The following LRIF1 variants were observed in gnomAD, a reference collection of about 807,000 sequenced individuals.
LRIF1 encodes ligand-dependent nuclear receptor-interacting factor 1.
Under a neutral mutation model 52.7 loss-of-function variants are expected in LRIF1, and 32 were observed. That is an observed-to-expected ratio of 0.61 (90% CI 0.46 to 0.82). The LOEUF is 0.82. Among genes scored for constraint, LRIF1 ranks in the 40% least tolerant of loss-of-function variants. LRIF1 has a pLI of 0.00. For synonymous variants in LRIF1, 323 were observed against 317.4 expected (o/e 1.02, Z -0.19); for missense variants, 887 against 892.0 (o/e 0.99, Z 0.07).
chr1:110,923,307 A>G, the LRIF1 span, among the ~76,000 whole-genome samples: 1 of 152,100 alleles, frequency 6.6e-6, no homozygotes, highest in Non-Finnish European at 1.5e-5. Context: ...CTCAAAAACA[A>G]CAACAACAAA....
the LRIF1 span, among the ~76,000 whole-genome samples, chr1:110,930,594 A>C: frequency 1.3e-5 from 2 of 152,174 alleles, no homozygotes; most frequent in Admixed American, 1.3e-4. Flanking sequence ...TCCCACCTTT[A>C]TGATCTCAAG....
rs770938313 is a variant in LRIF1, at chr1:110,951,878, G to T, written c.1006C>A (p.Pro336Thr). 1 of 1,613,774 alleles carries T rather than the reference G, an allele frequency of 6.2e-7. No individual in the cohort carries two copies. Among genetic ancestry groups the T allele is most frequent in the Non-Finnish European group, 8.5e-7 (1 of 1,179,932 alleles). The change falls in exon 2 of 4, where the codon CCA becomes ACA. Residue 336 changes from proline (P) to threonine (T), a missense_variant. Pro to Thr is a conservative substitution (Grantham distance 38, BLOSUM62 -1). Coordinates refer to ENST00000369763, the MANE Select transcript of LRIF1 (RefSeq NM_018372.4). ...NLGDNTINMP[P>T]LSTIDPSGTR... ...CCACTAGGATCGATGGTACTCAATGGTGGCATATTTATAGTATTATCTCCC... is the reference window on the plus strand; with the variant it reads ...CCACTAGGATCGATGGTACTCAATGTTGGCATATTTATAGTATTATCTCCC...
the LRIF1 span, among the ~76,000 whole-genome samples, chr1:110,882,975 T>C: frequency 6.6e-6 from 1 of 152,060 alleles, no homozygotes; most frequent in East Asian, 1.9e-4. Context: ...ATTTAGATTT[T>C]CTACAAAGAC....
At chr1:110,915,465 G>A in the LRIF1 span, among the ~76,000 whole-genome samples, 3 of 151,646 alleles carry the variant, frequency 2.0e-5, no homozygotes, top group Non-Finnish European at 4.4e-5. Context: ...TCCAGCCTGG[G>A]CGACAGAGCG....
chr1:110,935,495 T>G, the LRIF1 span, among the ~76,000 whole-genome samples: 1 of 152,182 alleles, frequency 6.6e-6, no homozygotes, highest in Non-Finnish European at 1.5e-5. Flanking sequence ...GAGATTGAAA[T>G]AATTTAAAAG....
chr1:110,913,863 T>A, the LRIF1 span, among the ~76,000 whole-genome samples: 1 of 152,088 alleles, frequency 6.6e-6, no homozygotes, highest in Admixed American at 6.5e-5. Flanking sequence ...GCAGCACTAT[T>A]CACAATAGCA....
At chr1:110,915,185 G>C in the LRIF1 span, among the ~76,000 whole-genome samples, 4 of 152,148 alleles carry the variant, frequency 2.6e-5, no homozygotes, top group African/African-American at 9.7e-5. Context: ...ACAATAAAAA[G>C]GCTATAAAAT....
chr1:110,952,259 T>A lies in LRIF1; in HGVS notation c.625A>T (p.Ile209Leu). Residue 209 changes from isoleucine to leucine, a missense_variant, in exon 2 of 4, where the codon ATA becomes TTA. Physicochemically the swap from Ile to Leu is conservative, Grantham distance 5 (BLOSUM62 2). Transcript: ENST00000369763. ...GTACTGGTGGTGGCAGTTGCAAGTA[T>A]CTTTTGCTGCACTGAAGGAGGCAAT... ...SSLPPSVQQK[I>L]LATATTSTSG... 4 of 1,614,200 alleles carry A rather than the reference T, an allele frequency of 2.5e-6. No individual in the cohort carries two copies. The highest frequency in any genetic ancestry group is 3.4e-6 in the Non-Finnish European group (4 of 1,180,032).
the LRIF1 span, chr1:110,938,677 T>C: frequency 2.0e-5 from 3 of 152,220 alleles, no homozygotes; most frequent in Non-Finnish European, 4.4e-5. Context: ...TTCACCACTG[T>C]TATTCAGCAT....
the LRIF1 span, among the ~76,000 whole-genome samples, chr1:110,875,924 C>G: frequency 6.6e-6 from 1 of 152,172 alleles, no homozygotes; most frequent in Non-Finnish European, 1.5e-5. Context: ...GGTGAGTGCT[C>G]TCTCTTCATT....
the LRIF1 span, among the ~76,000 whole-genome samples, chr1:110,878,163 T>C: frequency 1.5e-4 from 23 of 152,350 alleles, no homozygotes; most frequent in African/African-American, 5.5e-4. Flanking sequence ...ATTTGAGGAT[T>C]ATAAATAAGA....
At chr1:110,899,229 C>T in the LRIF1 span, 1 of 1,505,818 alleles carries the variant, frequency 6.6e-7, no homozygotes, top group Non-Finnish European at 9.3e-7. Context: ...AGACTTGTTT[C>T]ATCTCCGGAA....
In LRIF1 at chr1:110,952,056, T is replaced by C. The variant is rs1329220600; in HGVS notation, c.828A>G (p.Thr276=). The C allele has an allele frequency of 2.5e-6, 4 of 1,614,222 alleles. No individual in the cohort carries two copies. Among genetic ancestry groups the C allele is most frequent in the African/African-American group, 2.7e-5 (2 of 75,062 alleles). ...TQIPKNVATE[T]QLKGGQHSQA... ...GAGAATGCTGACCACCTTTCAATTG[T>C]GTCTCTGTAGCAACATTCTTTGGAA... The change falls in exon 2 of 4, where the codon ACA becomes ACG. Residue 276 remains threonine (T), a synonymous_variant. Coordinates refer to ENST00000369763, the MANE Select transcript of LRIF1 (RefSeq NM_018372.4).
the LRIF1 span, among the ~76,000 whole-genome samples, chr1:110,925,735 C>T: frequency 6.6e-5 from 10 of 152,070 alleles, no homozygotes; most frequent in African/African-American, 2.4e-4. Context: ...AAATCCAAAA[C>T]ATCTGCAGGT....
At chr1:110,926,529 A>T in the LRIF1 span, among the ~76,000 whole-genome samples, 2 of 152,180 alleles carry the variant, frequency 1.3e-5, no homozygotes, top group African/African-American at 4.8e-5. Context: ...ATATATCAAA[A>T]GATTAAGAAA....
intron 3 of LRIF1, among the ~76,000 whole-genome samples, chr1:110,948,749 T>A (rs1230129619): frequency 6.6e-6 from 1 of 152,176 alleles, no homozygotes; most frequent in African/African-American, 2.4e-5. Context: ...TATGGAGGAT[T>A]TTCATTCGAA....
chr1:110,935,753 T>TAG, the LRIF1 span, among the ~76,000 whole-genome samples: 6 of 150,914 alleles, frequency 4.0e-5, no homozygotes, highest in Non-Finnish European at 7.4e-5. Flanking sequence ...AAAGAGGAGG[T>TAG]AGAGAGAGAG....
At chr1:110,930,604 G>C in the LRIF1 span, among the ~76,000 whole-genome samples, 3 of 152,084 alleles carry the variant, frequency 2.0e-5, no homozygotes, top group South Asian at 2.1e-4. Context: ...ATGATCTCAA[G>C]TAACTATAAC....
In LRIF1 at chr1:110,952,618, G is replaced by C. The variant is rs766273687; in HGVS notation, c.266C>G (p.Thr89Arg). 3.0e-5 allele frequency: 48 copies of C among 1,614,086 alleles called. No homozygotes were observed. The highest frequency in any genetic ancestry group is 4.0e-5 in the Non-Finnish European group (47 of 1,179,954). ...AATGGGCAATTGAACTGATGCACTTGTGGAAGAGCTGGAAATCTGAGTCTG... is the reference window on the plus strand; with the variant it reads ...AATGGGCAATTGAACTGATGCACTTCTGGAAGAGCTGGAAATCTGAGTCTG... ...TFQTQISSSSTSASVQLPIFQ... is the reference protein window; with the variant it reads ...TFQTQISSSSRSASVQLPIFQ... Residue 89 changes from threonine to arginine, a missense_variant, in exon 2 of 4, where the codon ACA becomes AGA. Thr to Arg is a moderately conservative substitution (Grantham distance 71). Transcript: ENST00000369763.
Sources: allele counts gnomAD v4.1 joint callset (sites outside exome capture counted in the v4.1 genomes callset), GRCh38; gene constraint gnomAD v4.1.1; transcripts MANE v1.5; gene names NCBI Gene and HGNC (gene_info 2026-07-23, HGNC 2026-07-21).